The following TLK2 variants were observed in gnomAD, a reference collection of about 807,000 sequenced individuals.
TLK2 encodes tousled like kinase 2.
Under a neutral mutation model 117.3 loss-of-function variants are expected in TLK2, and 6 were observed. The ratio of observed to expected loss-of-function variants is 0.05; its 90% CI spans 0.03 to 0.10. TLK2 has a LOEUF of 0.10. Ranked by LOEUF, TLK2 falls within the 10% of genes least tolerant of loss-of-function variation. TLK2 has a pLI of 1.00. For missense variants in TLK2, 299 were observed against 901.2 expected, an observed-to-expected ratio of 0.33 and a Z score of 8.56; for synonymous variants, 257 against 316.7, an observed-to-expected ratio of 0.81 and a Z score of 2.00.
intron 2 of TLK2, chr17:62,516,481 C>T (rs1323765775): frequency 2.9e-5 from 46 of 1,604,462 alleles, no homozygotes; most frequent in South Asian, 5.5e-5. Context: ...TGGACGGCTA[C>T]GGCGTAGGGT....
chr17:62,509,409 G>C (rs2543417), intron 2 of TLK2, among the ~76,000 whole-genome samples: 36 of 152,080 alleles, frequency 2.4e-4, no homozygotes, highest in African/African-American at 8.7e-4. Flanking sequence ...TTTAAGAAGC[G>C]GATACTTCTC....
rs115579444 is a variant in TLK2, at chr17:62,529,741, A to T, written c.363+5410A>T. The stretch of plus-strand genomic sequence containing the variant: ...ATATAATTACCACCACATTCAGTTT[A>T]GATATATCATTGTTTAATGTGTTTT... On this transcript the variant is annotated intron_variant, in intron 6 of 21. Coordinates refer to ENST00000346027, the MANE Select transcript of TLK2 (RefSeq NM_006852.6). Among the ~76,000 whole-genome samples the T allele has an allele frequency of 5.2e-3, 793 of 152,180 alleles. 5 individuals carry two copies. Among genetic ancestry groups the T allele is most frequent in the African/African-American group, 0.018 (755 of 41,494 alleles).
chr17:62,567,594 T>C (rs186886332), intron 11 of TLK2, among the ~76,000 whole-genome samples: 3 of 152,334 alleles, frequency 2.0e-5, no homozygotes, highest in Non-Finnish European at 2.9e-5. Flanking sequence ...AGTATAGAAA[T>C]TGAAATTCTC....
rs184744143 is a variant in TLK2 at position 62,490,751 on chromosome 17, G to A, written c.81+9545G>A. The stretch of plus-strand genomic sequence containing the variant: ...TAGACAGGATTTCACCATGTTGGCC[G>A]GGCTGGTCTCGAACTCCTGACCTCA... On this transcript the variant is annotated intron_variant, in intron 2 of 21. Transcript: ENST00000346027. Among the ~76,000 whole-genome samples the A allele has an allele frequency of 4.1e-3, 617 of 151,700 alleles. 2 individuals carry two copies. Among genetic ancestry groups the A allele is most frequent in the Admixed American group, 6.2e-3 (94 of 15,234 alleles).
At position 62,613,655 on chromosome 17, in the gene TLK2, A is replaced by C. The variant is rs1333186426; in HGVS notation, c.*1090A>C. 6.6e-6 allele frequency: 1 copy of C among 152,144 alleles called. No homozygotes were observed. The highest frequency in any genetic ancestry group is 2.4e-5 in the African/African-American group (1 of 41,418). The allele number at this position is 152,144 out of a possible 1,614,324, so 9.4% of individuals were successfully genotyped here. On this transcript the variant is annotated 3_prime_UTR_variant, in exon 22 of 22. Transcript: ENST00000346027. ...TTGTTAACCACGTTATTAAAACTTG[A>C]TCAGCACATAAGCTTTCTTCTGTTA...
chr17:62,576,983 G>GTTTTTTTTT (rs1307794316), intron 13 of TLK2, among the ~76,000 whole-genome samples: 2 of 38,352 alleles, frequency 5.2e-5, no homozygotes, highest in African/African-American at 6.2e-5. Flanking sequence ...TTTTTTTTGA[G>GTTTTTTTTT]TTGGAGTCTC....
chr17:62,496,993 A>G (rs1000702163), intron 2 of TLK2, among the ~76,000 whole-genome samples: 4 of 149,630 alleles, frequency 2.7e-5, no homozygotes, highest in African/African-American at 9.8e-5. Context: ...TTGGCCAGGG[A>G]CAGTGGCGAG....
At chr17:62,562,169 G>A (rs2079335859) in intron 10 of TLK2, among the ~76,000 whole-genome samples, 1 of 152,162 alleles carries the variant, frequency 6.6e-6, no homozygotes, top group Admixed American at 6.5e-5. Flanking sequence ...AGATCAGCCT[G>A]GCCAACATGG....
At chr17:62,612,041 C>T (rs567799542) in intron 21 of TLK2, 6 of 165,250 alleles carry the variant, frequency 3.6e-5, no homozygotes, top group Admixed American at 6.3e-5. Context: ...GAAGTTAGAT[C>T]GTTCCCATCC....
At chr17:62,499,078 T>C (rs2073964974) in intron 2 of TLK2, among the ~76,000 whole-genome samples, 1 of 151,930 alleles carries the variant, frequency 6.6e-6, no homozygotes. Flanking sequence ...CAGTGACTCA[T>C]GCCTGTAATC....
intron 9 of TLK2, among the ~76,000 whole-genome samples, chr17:62,558,292 A>T (rs2079013067): frequency 6.6e-6 from 1 of 152,018 alleles, no homozygotes; most frequent in Admixed American, 6.6e-5. Context: ...CCTCCCGAAC[A>T]GCTGGCATCA....
At chr17:62,574,847 C>T (rs1357812520) in intron 12 of TLK2, among the ~76,000 whole-genome samples, 1 of 152,048 alleles carries the variant, frequency 6.6e-6, no homozygotes, top group Non-Finnish European at 1.5e-5. Context: ...CTTGTTTTCC[C>T]TTGATTTTAA....
chr17:62,516,658 T>A, intron 2 of TLK2: 1 of 1,609,960 alleles, frequency 6.2e-7, no homozygotes, highest in South Asian at 1.1e-5. Flanking sequence ...CACATTCTTG[T>A]CTGCCAGCTC....
intron 2 of TLK2, among the ~76,000 whole-genome samples, chr17:62,488,019 AAT>A (rs2072657549): frequency 1.3e-5 from 2 of 152,032 alleles, no homozygotes; most frequent in Admixed American, 1.3e-4. Context: ...TGCTCACAGC[AAT>A]CTCCACCTCC....
At chr17:62,587,551 C>G (rs145170739) in intron 16 of TLK2, among the ~76,000 whole-genome samples, 3 of 152,198 alleles carry the variant, frequency 2.0e-5, no homozygotes, top group Admixed American at 2.0e-4. Flanking sequence ...CATCAGGGAC[C>G]CAGAAGTTCT....
At chr17:62,534,292 C>T (rs2076963928) in intron 6 of TLK2, among the ~76,000 whole-genome samples, 1 of 152,144 alleles carries the variant, frequency 6.6e-6, no homozygotes, top group Admixed American at 6.5e-5. Context: ...AAAGGCCAAA[C>T]ACAAAATTTA....
In TLK2 at chr17:62,613,562, C is replaced by CCAGA. The variant is rs1190886112; in HGVS notation, c.*1000_*1003dup. ...GGTAGGCAGAAAATGGGCTTGGGAG[C>CCAGA]CAGACACTCCAGGGATCAGTAGTTC... On this transcript the variant is annotated 3_prime_UTR_variant, in exon 22 of 22. Coordinates refer to ENST00000346027, the MANE Select transcript of TLK2 (RefSeq NM_006852.6). 1 of 152,564 alleles carries CCAGA rather than the reference C, an allele frequency of 6.6e-6. No individual in the cohort carries two copies. The highest frequency in any genetic ancestry group is 2.4e-5 in the African/African-American group (1 of 41,428). The allele number at this position is 152,564 out of a possible 1,614,324, so 9.5% of individuals were successfully genotyped here.
At chr17:62,594,913 C>G (rs1399931680) in intron 16 of TLK2, among the ~76,000 whole-genome samples, 1 of 152,170 alleles carries the variant, frequency 6.6e-6, no homozygotes, top group Non-Finnish European at 1.5e-5. Context: ...AAAACCCACA[C>G]AGATAGGGGA....
At chr17:62,499,806 G>A (rs1473749515) in intron 2 of TLK2, among the ~76,000 whole-genome samples, 4 of 151,284 alleles carry the variant, frequency 2.6e-5, no homozygotes, top group Admixed American at 2.0e-4. Flanking sequence ...AGCTGAGATC[G>A]TGCAATTGCA....
Sources: gnomAD v4.1 joint callset for allele counts (sites outside exome capture counted in the v4.1 genomes callset) on GRCh38, gnomAD v4.1.1 for gene constraint, MANE v1.5 for transcripts, NCBI Gene and HGNC (gene_info 2026-07-23, HGNC 2026-07-21) for gene names.